PLXDC2: variants seen among roughly 807,000 people sequenced by gnomAD.
PLXDC2 encodes the protein plexin domain containing 2.
In PLXDC2, 40 loss-of-function variants were observed where a neutral mutation model predicts 68.9. The ratio of observed to expected loss-of-function variants is 0.58; its 90% CI spans 0.45 to 0.76. The LOEUF (loss-of-function observed/expected upper bound fraction) is 0.76, where lower values mean the gene tolerates loss of function less well. PLXDC2 is among the 30% of genes least tolerant of loss of function. The pLI is 0.00. For missense variants in PLXDC2, 644 were observed against 661.9 expected (o/e 0.97, Z 0.30); for synonymous variants, 243 against 234.2 (o/e 1.04, Z -0.34).
chr10:20,152,834 A>T (rs1834168548), intron 6 of PLXDC2, among the ~76,000 whole-genome samples: 1 of 152,150 alleles, frequency 6.6e-6, no homozygotes, highest in African/African-American at 2.4e-5. Context: ...AAAATAAAAT[A>T]TTGGACATGG....
chr10:20,234,060 C>T (rs1301148404), intron 12 of PLXDC2, among the ~76,000 whole-genome samples: 5 of 151,750 alleles, frequency 3.3e-5, no homozygotes, highest in African/African-American at 1.2e-4. Flanking sequence ...CTCCTGGCCT[C>T]AACTGATCCT....
At chr10:19,907,663 G>A (rs1220981991) in intron 1 of PLXDC2, among the ~76,000 whole-genome samples, 2 of 152,180 alleles carry the variant, frequency 1.3e-5, no homozygotes, top group African/African-American at 4.8e-5. Context: ...ATTTTTAGTA[G>A]AAAATGCTTC....
At chr10:20,039,043 C>G (rs1350705172) in intron 2 of PLXDC2, among the ~76,000 whole-genome samples, 1 of 152,128 alleles carries the variant, frequency 6.6e-6, no homozygotes, top group African/African-American at 2.4e-5. Flanking sequence ...GATAATTTAC[C>G]TCACTAAAGT....
Position 20,177,043 on chromosome 10 carries a change from C to A in PLXDC2, c.928C>A (p.Gln310Lys), listed in dbSNP as rs760354875. ...TIYEYHRVELQMSKITNISAV... is the reference protein window; with the variant it reads ...TIYEYHRVELKMSKITNISAV... Reference sequence around the variant, plus strand: ...TTATGAATACCACCGAGTAGAGCTACAAATGTCAAAAATTACCAACATTTC... The same window carrying A: ...TTATGAATACCACCGAGTAGAGCTAAAAATGTCAAAAATTACCAACATTTC... Residue 310 changes from glutamine (Q) to lysine (K), a missense_variant, in exon 8 of 14, where the codon CAA (glutamine) becomes AAA (lysine). Gln to Lys is a moderately conservative substitution (Grantham distance 53). Transcript: ENST00000377252. 13 of 1,611,734 alleles carry A rather than the reference C, an allele frequency of 8.1e-6. No individual in the cohort carries two copies. In the African/African-American group the frequency reaches 1.6e-4, roughly 20 times the overall value.
At chr10:19,872,252 C>A (rs935717571) in intron 1 of PLXDC2, among the ~76,000 whole-genome samples, 26 of 152,218 alleles carry the variant, frequency 1.7e-4, no homozygotes, top group African/African-American at 6.3e-4. Context: ...ACAGCCCAGG[C>A]CATTTCATCC....
At chr10:20,138,264 G>T (rs540720627) in intron 4 of PLXDC2, among the ~76,000 whole-genome samples, 6 of 152,250 alleles carry the variant, frequency 3.9e-5, no homozygotes, top group Admixed American at 3.9e-4. Flanking sequence ...ACCTGGAGAT[G>T]TTAAGTGAGG....
At chr10:20,249,225 T>G (rs1280885428) in intron 13 of PLXDC2, among the ~76,000 whole-genome samples, 2 of 152,236 alleles carry the variant, frequency 1.3e-5, no homozygotes, top group East Asian at 1.9e-4. Context: ...CTGCCTCTTA[T>G]GCAGTCAAGT....
At chr10:20,176,371 TTCA>T (rs1440297089) in intron 7 of PLXDC2, among the ~76,000 whole-genome samples, 13 of 139,318 alleles carry the variant, frequency 9.3e-5, no homozygotes, top group Non-Finnish European at 2.0e-4. Flanking sequence ...AATTAACACA[TTCA>T]TCATCTCGCA....
chr10:20,278,305 A>AGAGT (rs1836035515), intron 13 of PLXDC2, among the ~76,000 whole-genome samples: 1 of 152,164 alleles, frequency 6.6e-6, no homozygotes. Context: ...CACTAAAACC[A>AGAGT]GAGTTGGGGC....
At chr10:20,265,723 A>G (rs577808806) in intron 13 of PLXDC2, among the ~76,000 whole-genome samples, 6 of 152,336 alleles carry the variant, frequency 3.9e-5, no homozygotes, top group Admixed American at 6.5e-5. Context: ...ACTACTTACT[A>G]TAATTCATGT....
At chr10:19,937,559 T>TATATATATATATATATAC in intron 1 of PLXDC2, among the ~76,000 whole-genome samples, 1 of 86,844 alleles carries the variant, frequency 1.2e-5, no homozygotes, top group African/African-American at 4.3e-5. Flanking sequence ...TATATATATA[T>TATATATATATATATATAC]ATATATATAT....
chr10:20,100,745 T>C (rs745998252), intron 4 of PLXDC2, among the ~76,000 whole-genome samples: 13 of 152,190 alleles, frequency 8.5e-5, no homozygotes, highest in Non-Finnish European at 1.5e-4. Context: ...TGGTGCACTG[T>C]ACCTTTTGAT....
intron 4 of PLXDC2, among the ~76,000 whole-genome samples, chr10:20,125,990 TACAC>T (rs1833769119): frequency 6.7e-6 from 1 of 148,520 alleles, no homozygotes; most frequent in African/African-American, 2.4e-5. Context: ...GTGCTATACA[TACAC>T]ACAACCTATT....
At chr10:20,115,313 G>C (rs1421990293) in intron 4 of PLXDC2, among the ~76,000 whole-genome samples, 1 of 152,162 alleles carries the variant, frequency 6.6e-6, no homozygotes, top group African/African-American at 2.4e-5. Context: ...TTTGCGAGAT[G>C]GTCTGGGCTG....
At chr10:20,060,260 T>G (rs1004782295) in intron 3 of PLXDC2, among the ~76,000 whole-genome samples, 1 of 148,506 alleles carries the variant, frequency 6.7e-6, no homozygotes, top group African/African-American at 2.5e-5. Flanking sequence ...ACTCCTGGCC[T>G]CAAGTGATCC....
chr10:19,978,955 T>C (rs531949954), intron 1 of PLXDC2, among the ~76,000 whole-genome samples: 1 of 152,342 alleles, frequency 6.6e-6, no homozygotes, highest in East Asian at 1.9e-4. Context: ...TGACTATTAT[T>C]ACCTACAAGT....
At chr10:20,125,829 C>T (rs984990475) in intron 4 of PLXDC2, among the ~76,000 whole-genome samples, 5 of 151,566 alleles carry the variant, frequency 3.3e-5, no homozygotes, top group Admixed American at 6.6e-5. Flanking sequence ...TGCAACTCAA[C>T]GAGAGTAAGT....
chr10:19,855,112 G>T (rs537567549), intron 1 of PLXDC2, among the ~76,000 whole-genome samples: 2 of 152,168 alleles, frequency 1.3e-5, no homozygotes, highest in Non-Finnish European at 2.9e-5. Flanking sequence ...CTAGAATTGT[G>T]CCTGGTTCAT....
At chr10:19,844,594 A>G (rs547656915) in intron 1 of PLXDC2, among the ~76,000 whole-genome samples, 60 of 149,758 alleles carry the variant, frequency 4.0e-4, no homozygotes, top group Middle Eastern at 6.9e-3. Context: ...TTATTTTTCA[A>G]TATTTTTTTT....
Sources: gnomAD v4.1 joint callset for allele counts (sites outside exome capture counted in the v4.1 genomes callset) on GRCh38, gnomAD v4.1.1 for gene constraint, MANE v1.5 for transcripts, NCBI Gene and HGNC (gene_info 2026-07-23, HGNC 2026-07-21) for gene names.